HOXA3: variants seen among roughly 807,000 people sequenced by gnomAD.
HOXA3 encodes the protein homeobox A3.
Under a neutral mutation model 30.3 loss-of-function variants are expected in HOXA3, and 8 were observed. The ratio of observed to expected loss-of-function variants is 0.26; its 90% CI spans 0.15 to 0.48. The LOEUF (loss-of-function observed/expected upper bound fraction) is 0.48. HOXA3 is among the 20% of genes least tolerant of loss of function. The pLI is 0.99. For missense variants in HOXA3, 653 were observed against 614.4 expected, an observed-to-expected ratio of 1.06 and a Z score of -0.66; for synonymous variants, 323 against 273.1, an observed-to-expected ratio of 1.18 and a Z score of -1.80.
At chr7:27,147,203 A>G (rs1782797836) in intron 1 of HOXA3, 1 of 1,144,460 alleles carries the variant, frequency 8.7e-7, no homozygotes, top group Non-Finnish European at 1.2e-6. Context: ...TGGTTCTTTC[A>G]TCCTTTCTTT....
At position 27,108,013 on chromosome 7, in the gene HOXA3, G is replaced by A. The variant is rs762328098; in HGVS notation, c.1234C>T (p.Pro412Ser). The A allele has an allele frequency of 6.2e-7, 1 of 1,612,728 alleles. No homozygotes were observed. Among genetic ancestry groups the A allele is most frequent in the Non-Finnish European group, 8.5e-7 (1 of 1,179,192 alleles). Residue 412 changes from proline to serine, a missense_variant, in exon 6 of 6, where the codon CCG (proline) becomes TCG (serine). By Grantham distance (74) the Pro-to-Ser change is moderately conservative. Around this residue, in one of 3 missense-constraint regions of HOXA3, gnomAD observed 330 missense variants for 274.4 expected, o/e 1.20. Coordinates refer to ENST00000612286, the MANE Select transcript of HOXA3 (RefSeq NM_153631.3). This position sits in a 1 kb window ranked among gnomAD's most constrained non-coding sequence, Gnocchi z 5.0. ...GPLGSGHHHG[P>S]GPGEPHPTYT... ...GTGGGGTGCGGCTCCCCAGGCCCCG[G>A]CCCGTGGTGGTGGCCGCTGCCCAGC...
chr7:27,129,474 T>C (rs2158218), intron 2 of HOXA3: 2 of 1,614,144 alleles, frequency 1.2e-6, no homozygotes, highest in Non-Finnish European at 8.5e-7. Context: ...GGGTCAGGTA[T>C]CGATTGAAGT....
chr7:27,120,534 G>C (rs888553487), intron 4 of HOXA3, among the ~76,000 whole-genome samples: 1 of 75,664 alleles, frequency 1.3e-5, no homozygotes, highest in African/African-American at 5.8e-5. Context: ...GCGCGACTCT[G>C]TCAAAAAAAA....
At chr7:27,151,758 C>A in intron 1 of HOXA3, 1 of 448,758 alleles carries the variant, frequency 2.2e-6, no homozygotes, top group Non-Finnish European at 4.5e-6. Flanking sequence ...TGTGCTGATG[C>A]TAATAAAATG....
At chr7:27,144,547 T>C (rs1350980023) in intron 1 of HOXA3, among the ~76,000 whole-genome samples, 1 of 152,200 alleles carries the variant, frequency 6.6e-6, no homozygotes, top group African/African-American at 2.4e-5. Context: ...GTCCGGTTCC[T>C]CGAGCCAGCC....
chr7:27,115,403 C>T (rs969519437), intron 4 of HOXA3: 1 of 152,172 alleles, frequency 6.6e-6, no homozygotes, highest in Admixed American at 6.5e-5. Flanking sequence ...GAGAGCCAGC[C>T]GCAAAAATCC....
intron 3 of HOXA3, 190 bp from the exon 4 acceptor site, chr7:27,122,832 C>T (rs1159534646): frequency 2.0e-5 from 3 of 152,136 alleles, no homozygotes; most frequent in African/African-American, 7.2e-5. Flanking sequence ...ACAAATGGTC[C>T]GAAGATGGTG....
chr7:27,118,186 C>T (rs1302989302), intron 4 of HOXA3, among the ~76,000 whole-genome samples: 1 of 152,208 alleles, frequency 6.6e-6, no homozygotes, highest in Non-Finnish European at 1.5e-5. Context: ...GCCTCGACTT[C>T]CATCGGCTAG....
intron 1 of HOXA3, chr7:27,143,435 C>A (rs1782646637): frequency 1.9e-6 from 3 of 1,612,934 alleles, no homozygotes; most frequent in Non-Finnish European, 2.5e-6. Context: ...GGAGCCCGAG[C>A]GGCCGACGCT....
Position 27,109,508 on chromosome 7 carries a change from T to G in HOXA3, c.526+607A>C, listed in dbSNP as rs12112831. ...GAAGCCTAAAGCCTGGGGCCTTTCCTCTACTGGAGCCCGCTTTCAGGAGGC... is the reference window on the plus strand; with the variant it reads ...GAAGCCTAAAGCCTGGGGCCTTTCCGCTACTGGAGCCCGCTTTCAGGAGGC... On this transcript the variant is annotated intron_variant, in intron 5 of 5. Transcript: ENST00000612286. Among the ~76,000 whole-genome samples, 205 of 152,332 alleles carry G rather than the reference T, an allele frequency of 1.3e-3. 3 individuals carry two copies. Among genetic ancestry groups the G allele is most frequent in the African/African-American group, 4.8e-3 (201 of 41,582 alleles).
intron 1 of HOXA3, chr7:27,147,218 C>G: frequency 1.6e-6 from 2 of 1,272,746 alleles, no homozygotes; most frequent in South Asian, 2.8e-5. Context: ...TTCTTTCTCT[C>G]TATTCCTCTT....
rs987965306 is a variant in HOXA3 at position 27,110,242 on chromosome 7, G to C, written c.399C>G (p.Asn133Lys). 1.2e-6 allele frequency: 2 copies of C among 1,613,408 alleles called. No individual in the cohort carries two copies. The highest frequency in any genetic ancestry group is 1.7e-6 in the Non-Finnish European group (2 of 1,179,924). The change falls in exon 5 of 6, where the codon AAC becomes AAG. Residue 133 changes from asparagine (N) to lysine (K), a missense_variant. By Grantham distance (94) the Asn-to-Lys change is moderately conservative (BLOSUM62 0). Coordinates refer to ENST00000612286, the MANE Select transcript of HOXA3 (RefSeq NM_153631.3). ...TGGCCGCGTTGGCAGGGGTAGGGTT[G>C]TTGCTGGCATTCTGAGGAGGGGAGG... ...SSASPPQNAS[N>K]NPTPANAAKS...
rs1784323346 is a variant in HOXA3, at chr7:27,110,709, A to T, written c.-69T>A. On this transcript the variant is annotated 5_prime_UTR_variant, in exon 5 of 6. Transcript: ENST00000612286. ...GACACCCGTGAGGGCGCACATTGGC[A>T]CGCCCCCGCGGTCACGTGACACTCC... 1.3e-6 allele frequency: 2 copies of T among 1,579,488 alleles called. No homozygotes were observed. The highest frequency in any genetic ancestry group is 1.1e-5 in the South Asian group (1 of 90,108).
rs901441571 is a variant in HOXA3 at position 27,113,342 on chromosome 7, A to G, written c.-120-2582T>C. On this transcript the variant is annotated intron_variant, in intron 4 of 5. Coordinates refer to ENST00000612286, the MANE Select transcript of HOXA3 (RefSeq NM_153631.3). The surrounding 1 kb of genome is among the most constrained non-coding windows in gnomAD (Gnocchi z 4.8). ...TCTTTCTTAGCCTTCCCTCACCCCA[A>G]ATCTGAGCGGGTTCGTCGGATAGGA... Among the ~76,000 whole-genome samples the G allele has an allele frequency of 1.3e-5, 2 of 151,958 alleles. No individual in the cohort carries two copies. The highest frequency in any genetic ancestry group is 2.9e-5 in the Non-Finnish European group (2 of 67,990).
chr7:27,116,286 C>G (rs550191727), intron 4 of HOXA3: 3 of 152,796 alleles, frequency 2.0e-5, no homozygotes, highest in East Asian at 3.9e-4. Flanking sequence ...GGGGTGTCCT[C>G]CTGAAGGCGT....
rs757711313 is a variant in HOXA3, at chr7:27,108,320, G to A, written c.927C>T (p.Pro309=). Residue 309 remains proline (P), a synonymous_variant, in exon 6 of 6, where the codon CCC becomes CCT. Transcript: ENST00000612286. This position sits in a 1 kb window ranked among gnomAD's most constrained non-coding sequence, Gnocchi z 5.0. ...KPPQGTYGLP[P]ASYPASLPSC... is the part of the protein sequence containing the mutation. ...TGGGCAGGGACGCAGGGTAGGAGGC[G>A]GGGGGCAGCCCGTAGGTACCCTGGG... 5 of 1,516,982 alleles carry A rather than the reference G, an allele frequency of 3.3e-6. No individual in the cohort carries two copies. The highest frequency in any genetic ancestry group is 3.9e-5 in the Admixed American group (2 of 51,854). 94.0% of individuals were successfully genotyped at this position (1,516,982 alleles called of 1,614,324 possible). A position where few individuals can be genotyped will look rare whatever the true frequency, so the allele number is the denominator to read the frequency against.
At chr7:27,122,357 G>C (rs1013454314) in intron 4 of HOXA3, 1 of 152,188 alleles carries the variant, frequency 6.6e-6, no homozygotes, top group Non-Finnish European at 1.5e-5. Context: ...CTGGTTTTGG[G>C]GTAGGCTCTT....
At chr7:27,135,286 T>A (rs1363923243) in intron 2 of HOXA3, among the ~76,000 whole-genome samples, 1 of 152,102 alleles carries the variant, frequency 6.6e-6, no homozygotes, top group Non-Finnish European at 1.5e-5. Context: ...TATTTGTGGA[T>A]TTCACCTTTC....
chr7:27,128,976 T>C (rs2128053656), intron 2 of HOXA3: 1 of 570,022 alleles, frequency 1.8e-6, no homozygotes, highest in East Asian at 3.0e-5. Flanking sequence ...TATCCACACC[T>C]GGCAGCCTTG....
Sources: allele counts gnomAD v4.1 joint callset (sites outside exome capture counted in the v4.1 genomes callset), GRCh38; gene constraint gnomAD v4.1.1; regional missense constraint gnomAD v4.1.1; non-coding constraint Gnocchi (gnomAD v3.1); transcripts MANE v1.5; gene names NCBI Gene and HGNC (gene_info 2026-07-23, HGNC 2026-07-21).